The following STX8 variants were observed in gnomAD, a reference collection of about 807,000 sequenced individuals.
STX8 encodes the protein syntaxin 8, also known as syntaxin-8.
STX8 carries 23 observed loss-of-function variants against 37.5 expected under a neutral mutation model. That is an observed-to-expected ratio of 0.61 (90% CI 0.44 to 0.87). The LOEUF is 0.87. Among genes scored for constraint, STX8 ranks in the 40% least tolerant of loss-of-function variants. The pLI, the probability that STX8 is intolerant of heterozygous loss-of-function variation, is 0.00. For missense variants in STX8, 313 were observed against 284.7 expected (o/e 1.10, Z -0.71); for synonymous variants, 115 against 99.1 (o/e 1.16, Z -0.95).
At chr17:9,352,466 CTTTT>C (rs745427686) in intron 7 of STX8, among the ~76,000 whole-genome samples, 1 of 88,120 alleles carries the variant, frequency 1.1e-5, no homozygotes, top group African/African-American at 4.6e-5. Context: ...CTTACTCCCA[CTTTT>C]TTTTTTTTTT....
At chr17:9,421,080 C>A (rs1332387021) in intron 6 of STX8, among the ~76,000 whole-genome samples, 4 of 152,252 alleles carry the variant, frequency 2.6e-5, no homozygotes, top group Middle Eastern at 3.4e-3. Flanking sequence ...TATCCCTAAT[C>A]TAACCTTTGC....
Position 9,385,405 on chromosome 17 carries a change from T to C in STX8, c.542-6752A>G, listed in dbSNP as rs147405281. On this transcript the variant is annotated intron_variant, in intron 6 of 7. Transcript: ENST00000306357. ...GCCACAGAATGGTAGAAAATATTTG[T>C]AGAACATATATCTGACATAGTATTT... Among the ~76,000 whole-genome samples the C allele has an allele frequency of 4.6e-3, 706 of 152,322 alleles. 2 individuals carry two copies. Among genetic ancestry groups the C allele is most frequent in the African/African-American group, 0.016 (678 of 41,568 alleles).
At chr17:9,418,837 AAAGGG>A (rs1350872876) in intron 6 of STX8, among the ~76,000 whole-genome samples, 1 of 135,308 alleles carries the variant, frequency 7.4e-6, no homozygotes, top group Admixed American at 7.3e-5. Context: ...AAAAAAAAAA[AAAGGG>A]GGGGGGGAAG....
At chr17:9,503,905 C>G (rs764684315) in intron 5 of STX8, among the ~76,000 whole-genome samples, 5 of 152,112 alleles carry the variant, frequency 3.3e-5, no homozygotes, top group African/African-American at 4.8e-5. Context: ...GCTAGGACTA[C>G]AGGTGCGTGC....
At chr17:9,461,102 G>A (rs1023268220) in intron 6 of STX8, 2 of 151,720 alleles carry the variant, frequency 1.3e-5, no homozygotes, top group Non-Finnish European at 2.9e-5. Context: ...TGAGCTCAAC[G>A]TATAAGTTTT....
intron 7 of STX8, among the ~76,000 whole-genome samples, chr17:9,299,365 T>A (rs563238001): frequency 6.6e-6 from 1 of 151,732 alleles, no homozygotes; most frequent in African/African-American, 2.4e-5. Flanking sequence ...ACCGAGGAAC[T>A]GTATTTCAGC....
chr17:9,335,725 T>G lies in STX8; in HGVS notation c.643+42827A>C, dbSNP rs549431775. On this transcript the variant is annotated intron_variant, in intron 7 of 7. Coordinates refer to ENST00000306357, the MANE Select transcript of STX8 (RefSeq NM_004853.3). ...AAGTTTTTTTAAAAAAGATAATATA[T>G]GAGCTAGATCTTTACCTCAAGAATT... Among the ~76,000 whole-genome samples, 44 of 152,248 alleles carry G rather than the reference T, an allele frequency of 2.9e-4. No homozygotes were observed. In the South Asian group the frequency reaches 8.9e-3, roughly 31 times the overall value.
chr17:9,319,179 G>A (rs1222816892), intron 7 of STX8, among the ~76,000 whole-genome samples: 1 of 152,180 alleles, frequency 6.6e-6, no homozygotes, highest in Non-Finnish European at 1.5e-5. Context: ...CAGGACTTTG[G>A]GAGGCCGAGG....
chr17:9,346,151 C>T (rs12942894), intron 7 of STX8, among the ~76,000 whole-genome samples: 15,355 of 152,040 alleles, frequency 0.1, 833 homozygotes, highest in Middle Eastern at 0.17. Flanking sequence ...CACGCCCGGC[C>T]GGCCCCTGAC....
In STX8 at chr17:9,308,760, A is replaced by G. The variant is rs373860247; in HGVS notation, c.644-58115T>C. 4.3e-4 allele frequency among the ~76,000 whole-genome samples: 64 copies of G among 149,606 alleles called. 1 individual carries two copies. The South Asian group carries it at 0.012, about 28-fold the overall frequency. Reference sequence around the variant, plus strand: ...AAAAAAAAAAGGAATTCTAGTTTCTATGGCCTGCCTTGGGCAGAAAGGGAA... The same window carrying G: ...AAAAAAAAAAGGAATTCTAGTTTCTGTGGCCTGCCTTGGGCAGAAAGGGAA... On this transcript the variant is annotated intron_variant, in intron 7 of 7. Coordinates refer to ENST00000306357, the MANE Select transcript of STX8 (RefSeq NM_004853.3).
intron 7 of STX8, among the ~76,000 whole-genome samples, chr17:9,375,063 C>CAAAA (rs58594029): frequency 3.2e-4 from 21 of 65,364 alleles, no homozygotes; most frequent in East Asian, 5.1e-4. Context: ...GACTCTGTCT[C>CAAAA]AAAAAAAAAA....
intron 6 of STX8, among the ~76,000 whole-genome samples, chr17:9,450,764 C>G (rs1905014414): frequency 1.3e-5 from 2 of 151,848 alleles, no homozygotes; most frequent in South Asian, 4.2e-4. Context: ...CACTTTTCTC[C>G]CCATTCACAC....
At chr17:9,308,765 C>T (rs537743677) in intron 7 of STX8, among the ~76,000 whole-genome samples, 1 of 150,904 alleles carries the variant, frequency 6.6e-6, no homozygotes, top group African/African-American at 2.4e-5. Flanking sequence ...TTTCTATGGC[C>T]TGCCTTGGGC....
At chr17:9,273,776 T>C (rs1271947066) in intron 7 of STX8, among the ~76,000 whole-genome samples, 2 of 152,236 alleles carry the variant, frequency 1.3e-5, no homozygotes, top group Non-Finnish European at 2.9e-5. Context: ...CCTTGGCGAT[T>C]TCCCACGCAT....
At chr17:9,348,796 A>G (rs1489798011) in intron 7 of STX8, among the ~76,000 whole-genome samples, 1 of 152,158 alleles carries the variant, frequency 6.6e-6, no homozygotes, top group African/African-American at 2.4e-5. Context: ...AGCTTATGCA[A>G]GCTTAATATG....
chr17:9,548,839 CTA>C (rs1426647040), intron 3 of STX8, among the ~76,000 whole-genome samples: 3 of 152,086 alleles, frequency 2.0e-5, no homozygotes, highest in Non-Finnish European at 2.9e-5. Flanking sequence ...AAAATCCTAA[CTA>C]TATATGTGTG....
At chr17:9,420,700 C>G (rs1448534238) in intron 6 of STX8, among the ~76,000 whole-genome samples, 2 of 152,186 alleles carry the variant, frequency 1.3e-5, no homozygotes, top group Non-Finnish European at 2.9e-5. Flanking sequence ...TCACAACCCA[C>G]TACAACTGAG....
intron 6 of STX8, among the ~76,000 whole-genome samples, chr17:9,425,997 CTCTCT>C (rs556746900): frequency 5.4e-4 from 83 of 152,314 alleles, no homozygotes; most frequent in African/African-American, 1.8e-3. Flanking sequence ...ATAACTGTCT[CTCTCT>C]TCTCAAGTAG....
chr17:9,548,433 A>G (rs1906635959), intron 3 of STX8: 1 of 152,224 alleles, frequency 6.6e-6, no homozygotes, highest in South Asian at 2.1e-4. Flanking sequence ...AGGAATGCAA[A>G]CAGGTTCAAC....
Sources: allele counts gnomAD v4.1 joint callset (sites outside exome capture counted in the v4.1 genomes callset), GRCh38; gene constraint gnomAD v4.1.1; transcripts MANE v1.5; gene names NCBI Gene and HGNC (gene_info 2026-07-23, HGNC 2026-07-21).